RGL1: variants seen among roughly 807,000 people sequenced by gnomAD.
RGL1 encodes the protein ral guanine nucleotide dissociation stimulator-like 1.
Under a neutral mutation model 95.2 loss-of-function variants are expected in RGL1, and 24 were observed. That is an observed-to-expected ratio of 0.25 (90% CI 0.18 to 0.35). The LOEUF is 0.35. Ranked by LOEUF, RGL1 falls within the 10% of genes least tolerant of loss-of-function variation. RGL1 has a pLI of 1.00. For missense variants in RGL1, 715 were observed against 936.3 expected, an observed-to-expected ratio of 0.76 and a Z score of 3.08; for synonymous variants, 329 against 344.9, an observed-to-expected ratio of 0.95 and a Z score of 0.51.
At chr1:183,642,429 G>T (rs1649987280) in intron 1 of RGL1, among the ~76,000 whole-genome samples, 1 of 151,988 alleles carries the variant, frequency 6.6e-6, no homozygotes, top group Admixed American at 6.5e-5. Context: ...TCAGATTCTG[G>T]GGTTTGTGCA....
At chr1:183,875,457 T>C (rs928987621) in intron 4 of RGL1, among the ~76,000 whole-genome samples, 14 of 152,330 alleles carry the variant, frequency 9.2e-5, no homozygotes, top group Middle Eastern at 3.4e-3. Flanking sequence ...CTCTCTGCAT[T>C]GCGTGCCTGA....
intron 1 of RGL1, among the ~76,000 whole-genome samples, chr1:183,664,070 G>A (rs1288833988): frequency 3.9e-5 from 4 of 103,570 alleles, no homozygotes; most frequent in Non-Finnish European, 5.4e-5. Context: ...TTGTGGGGTG[G>A]GGGGAGGGGG....
At chr1:183,813,038 T>G (rs1661828618) in intron 2 of RGL1, among the ~76,000 whole-genome samples, 1 of 152,136 alleles carries the variant, frequency 6.6e-6, no homozygotes, top group Non-Finnish European at 1.5e-5. Context: ...GAACAATGAC[T>G]GACAGCTGCA....
chr1:183,874,229 A>G lies in RGL1; in HGVS notation c.426-6387A>G, dbSNP rs187053678. On this transcript the variant is annotated intron_variant, in intron 4 of 17. Coordinates refer to ENST00000360851, the MANE Select transcript of RGL1 (RefSeq NM_001297671.3). ...GAACCTGGGGCGTAGGTTAAGGAAC[A>G]TGTCCAAGGCTACACAGTGAATAAA... 1.0e-3 allele frequency among the ~76,000 whole-genome samples: 142 copies of G among 136,108 alleles called. 1 individual carries two copies. Among genetic ancestry groups the G allele is most frequent in the African/African-American group, 3.6e-3 (136 of 38,204 alleles). 89.3% of individuals were successfully genotyped at this position (136,108 alleles called of 152,430 possible). A position where few individuals can be genotyped will look rare whatever the true frequency, so the allele number is the denominator to read the frequency against.
At chr1:183,653,577 G>A (rs1413011723) in intron 1 of RGL1, among the ~76,000 whole-genome samples, 1 of 152,178 alleles carries the variant, frequency 6.6e-6, no homozygotes, top group East Asian at 1.9e-4. Context: ...CAGGCCTGGC[G>A]GTTCTGTTGC....
chr1:183,642,692 C>G (rs1650008000), intron 1 of RGL1, among the ~76,000 whole-genome samples: 3 of 152,056 alleles, frequency 2.0e-5, no homozygotes, highest in African/African-American at 4.8e-5. Context: ...AGACATAGAG[C>G]CTGATTTCTA....
intron 2 of RGL1, among the ~76,000 whole-genome samples, chr1:183,840,892 TAACA>T (rs149314118): frequency 0.023 from 3,463 of 152,016 alleles, 143 homozygotes; most frequent in African/African-American, 0.081. Flanking sequence ...ACTGCATCTC[TAACA>T]AACAAACAAA....
At chr1:183,838,259 A>T (rs759641226) in intron 2 of RGL1, among the ~76,000 whole-genome samples, 4 of 152,190 alleles carry the variant, frequency 2.6e-5, no homozygotes, top group Non-Finnish European at 5.9e-5. Context: ...TCTGTTATGG[A>T]TTAATGTTGG....
chr1:183,638,749 G>T lies in RGL1; in HGVS notation c.-33+2248G>T, dbSNP rs1293064961. On this transcript the variant is annotated intron_variant, in intron 1 of 18. Transcript: ENST00000304685. ...GGTTTTAAGACATTTTACTTGTTGT[G>T]CAAATAACCTGGTTTGGTTCAATAC... Among the ~76,000 whole-genome samples the T allele has an allele frequency of 3.9e-5, 6 of 152,206 alleles. No homozygotes were observed. The South Asian group carries it at 1.0e-3, about 26-fold the overall frequency.
At chr1:183,740,302 G>A (rs761601668) in intron 1 of RGL1, among the ~76,000 whole-genome samples, 25 of 152,140 alleles carry the variant, frequency 1.6e-4, no homozygotes, top group Non-Finnish European at 1.5e-4. Context: ...GTTCCTAATG[G>A]GAGGGTATTA....
At chr1:183,832,729 C>T (rs1481721680) in intron 2 of RGL1, among the ~76,000 whole-genome samples, 1 of 152,136 alleles carries the variant, frequency 6.6e-6, no homozygotes, top group Non-Finnish European at 1.5e-5. Flanking sequence ...CACTTAGCCT[C>T]TCTGGGTCTC....
intron 4 of RGL1, among the ~76,000 whole-genome samples, chr1:183,867,489 G>A (rs1665910777): frequency 6.6e-6 from 1 of 152,206 alleles, no homozygotes; most frequent in Non-Finnish European, 1.5e-5. Context: ...GCGGTCTTTG[G>A]TGACTTGACA....
intron 14 of RGL1, among the ~76,000 whole-genome samples, chr1:183,910,125 T>G (rs1668560412): frequency 6.6e-6 from 1 of 152,176 alleles, no homozygotes; most frequent in African/African-American, 2.4e-5. Context: ...TCTCTTTCTT[T>G]CAAAAGAGTT....
At chr1:183,710,729 T>G (rs898520089) in intron 1 of RGL1, among the ~76,000 whole-genome samples, 5 of 152,156 alleles carry the variant, frequency 3.3e-5, no homozygotes, top group African/African-American at 1.2e-4. Context: ...TCAGATCTCA[T>G]GAGAACTCCC....
intron 2 of RGL1, 52 bp downstream of exon 2, chr1:183,806,537 C>A: frequency 2.5e-6 from 3 of 1,193,694 alleles, no homozygotes; most frequent in Non-Finnish European, 3.7e-6. Context: ...GTCTGTCGTT[C>A]TGTGAATATC....
intron 1 of RGL1, among the ~76,000 whole-genome samples, chr1:183,691,889 T>C (rs577707876): frequency 4.5e-4 from 68 of 152,214 alleles, no homozygotes; most frequent in Admixed American, 2.4e-3. Context: ...GATCATACAA[T>C]TTTATGAAAA....
chr1:183,905,536 C>T (rs971841856), intron 13 of RGL1, among the ~76,000 whole-genome samples: 11 of 152,118 alleles, frequency 7.2e-5, no homozygotes, highest in Admixed American at 1.3e-4. Flanking sequence ...CCATAAGAAC[C>T]GGAAGAGAAC....
intron 2 of RGL1, among the ~76,000 whole-genome samples, chr1:183,840,477 T>C (rs1014135267): frequency 6.6e-6 from 1 of 152,138 alleles, no homozygotes; most frequent in Non-Finnish European, 1.5e-5. Flanking sequence ...CAAAGTTCCA[T>C]ACTTTGGGAT....
intron 1 of RGL1, among the ~76,000 whole-genome samples, chr1:183,720,185 T>G (rs1655929668): frequency 6.6e-6 from 1 of 152,192 alleles, no homozygotes; most frequent in South Asian, 2.1e-4. Flanking sequence ...AAAATACAAC[T>G]GATGAATCAC....
Sources: allele counts gnomAD v4.1 joint callset (sites outside exome capture counted in the v4.1 genomes callset), GRCh38; gene constraint gnomAD v4.1.1; transcripts MANE v1.5; gene names NCBI Gene and HGNC (gene_info 2026-07-23, HGNC 2026-07-21).